ABCA12: variants seen among roughly 807,000 people sequenced by gnomAD.
The protein encoded by ABCA12 is glucosylceramide transporter ABCA12.
Under a neutral mutation model 293.5 loss-of-function variants are expected in ABCA12, and 156 were observed. The ratio of observed to expected loss-of-function variants is 0.53; its 90% CI spans 0.47 to 0.61. ABCA12 has a LOEUF of 0.61. ABCA12 is among the 20% of genes least tolerant of loss of function. ABCA12 has a pLI of 0.00. For missense variants in ABCA12, 2,797 were observed against 3,090.2 expected (o/e 0.91, Z 2.25); for synonymous variants, 1,063 against 1,108.0 (o/e 0.96, Z 0.81).
At chr2:215,088,038 G>A (rs1702075524) in intron 2 of ABCA12, among the ~76,000 whole-genome samples, 2 of 152,166 alleles carry the variant, frequency 1.3e-5, no homozygotes, top group South Asian at 4.1e-4. Context: ...GTGATGGAGA[G>A]GGGGCTGTGT....
intron 39 of ABCA12, chr2:214,961,980 G>A (rs1699126419): frequency 6.6e-6 from 1 of 152,194 alleles, no homozygotes; most frequent in East Asian, 1.9e-4. Flanking sequence ...AAATGTAGAT[G>A]TTGGCATTTC....
intron 3 of ABCA12, among the ~76,000 whole-genome samples, chr2:215,055,796 T>C (rs1465128089): frequency 6.6e-6 from 1 of 152,078 alleles, no homozygotes; most frequent in East Asian, 1.9e-4. Context: ...AGTTCTGCAT[T>C]CTTAATATAT....
In ABCA12 at chr2:214,932,301, C is replaced by A; in HGVS notation, c.*333G>T. The A allele has an allele frequency of 3.7e-6, 1 of 269,990 alleles. No homozygotes were observed. 16.7% of individuals were successfully genotyped at this position (269,990 alleles called of 1,614,324 possible). On this transcript the variant is annotated 3_prime_UTR_variant, in exon 53 of 53. Transcript: ENST00000272895. ...ACTCTTATATTTCAACTACCAAAATCCATGCCTTTTAAACTGTCTTTTTAT... is the reference window on the plus strand; with the variant it reads ...ACTCTTATATTTCAACTACCAAAATACATGCCTTTTAAACTGTCTTTTTAT...
chr2:215,057,664 G>T (rs928074028), intron 3 of ABCA12, among the ~76,000 whole-genome samples: 2 of 151,950 alleles, frequency 1.3e-5, no homozygotes, highest in Admixed American at 6.6e-5. Context: ...AGAGTGTAAG[G>T]TTCTTAAGAA....
chr2:214,942,901 T>C lies in ABCA12; in HGVS notation c.7436+24A>G, dbSNP rs1211025585. ...TAGATAGATGACCCAACACTATCTG[T>C]TAAGCAATGCATTTGTTCTTCACCT... On this transcript the variant is annotated intron_variant, in intron 50 of 52. Transcript: ENST00000272895. The C allele has an allele frequency of 1.9e-6, 3 of 1,595,106 alleles. No homozygotes were observed. In the South Asian group the frequency reaches 3.3e-5, roughly 18 times the overall value.
rs771769694 is a variant in ABCA12, at chr2:214,983,751, G to A, written c.4278C>T (p.His1426=). 19 of 1,613,940 alleles carry A rather than the reference G, an allele frequency of 1.2e-5. No homozygotes were observed. The highest frequency in any genetic ancestry group is 2.2e-5 in the South Asian group (2 of 91,072). ...TAGTGAGGTAACTGAACAAGACGTC[G>A]TGCTGCATACAGACTCCCATGTTCT... The part of the protein sequence containing the change: ...VRKNMGVCMQ[H]DVLFSYLTTK... Residue 1426 remains histidine, a synonymous_variant, in exon 29 of 53, where the codon CAC becomes CAT. Transcript: ENST00000272895.
intron 3 of ABCA12, among the ~76,000 whole-genome samples, chr2:215,058,454 T>G (rs915238829): frequency 6.6e-6 from 1 of 152,006 alleles, no homozygotes; most frequent in African/African-American, 2.4e-5. Flanking sequence ...TCAGGAGAGA[T>G]AAAAATCCTA....
chr2:214,974,700 C>T, intron 35 of ABCA12, 78 bp downstream of exon 35: 1 of 1,330,980 alleles, frequency 7.5e-7, no homozygotes, highest in Non-Finnish European at 1.1e-6. Context: ...AAATAACAGA[C>T]ACACACACCC....
At chr2:215,104,017 T>G (rs1339285049) in intron 2 of ABCA12, among the ~76,000 whole-genome samples, 2 of 152,194 alleles carry the variant, frequency 1.3e-5, no homozygotes, top group Non-Finnish European at 2.9e-5. Flanking sequence ...TTATAAATAT[T>G]CAACCATTCA....
intron 9 of ABCA12, 134 bp downstream of exon 9, chr2:215,031,687 T>C (rs1700881097): frequency 1.9e-6 from 2 of 1,059,808 alleles, no homozygotes; most frequent in Non-Finnish European, 2.9e-6. Context: ...ACTATGCCCT[T>C]TCCTCTGCTC....
Position 214,980,748 on chromosome 2 carries a change from C to G in ABCA12, c.4580-105G>C, listed in dbSNP as rs1699630037. ...ATCCTGTGACATCTGAGAAGAGTCA[C>G]ATTTCATGAGCTAACTGAAAAACTG... is the stretch of plus-strand genomic sequence containing the variant. On this transcript the variant is annotated intron_variant, in intron 30 of 52. Transcript: ENST00000272895. 3 of 1,433,578 alleles carry G rather than the reference C, an allele frequency of 2.1e-6. No individual in the cohort carries two copies. The African/African-American group carries it at 4.2e-5, about 20-fold the overall frequency. The allele number at this position is 1,433,578 out of a possible 1,614,324, so 88.8% of individuals were successfully genotyped here. A position where few individuals can be genotyped will look rare whatever the true frequency, so the allele number is the denominator to read the frequency against.
chr2:215,049,045 C>T (rs985916868), intron 6 of ABCA12, among the ~76,000 whole-genome samples: 3 of 152,104 alleles, frequency 2.0e-5, no homozygotes, highest in African/African-American at 7.2e-5. Flanking sequence ...AAAAAAATAA[C>T]TACTGAGTAC....
intron 44 of ABCA12, among the ~76,000 whole-genome samples, chr2:214,953,366 A>G (rs1698838376): frequency 6.6e-6 from 1 of 152,238 alleles, no homozygotes; most frequent in East Asian, 1.9e-4. Flanking sequence ...CCATATATGC[A>G]AACATTCCAG....
intron 7 of ABCA12, 120 bp from the exon 8 acceptor site, chr2:215,037,185 A>T: frequency 1.3e-6 from 1 of 771,834 alleles, no homozygotes; most frequent in Non-Finnish European, 2.2e-6. Context: ...AAAAGACAAG[A>T]TGCTACTTTT....
intron 41 of ABCA12, among the ~76,000 whole-genome samples, chr2:214,958,062 A>T (rs1296843876): frequency 6.6e-6 from 1 of 152,182 alleles, no homozygotes; most frequent in African/African-American, 2.4e-5. Context: ...AGTGCCCTAG[A>T]GAATCTGATA....
At chr2:215,094,113 G>A (rs149795940) in intron 2 of ABCA12, among the ~76,000 whole-genome samples, 164 of 152,234 alleles carry the variant, frequency 1.1e-3, no homozygotes, top group African/African-American at 3.7e-3. Context: ...GAAGGACTGC[G>A]TGTCAATATT....
chr2:215,090,899 C>G (rs112335760), intron 2 of ABCA12, among the ~76,000 whole-genome samples: 11,135 of 152,210 alleles, frequency 0.073, 845 homozygotes, highest in East Asian at 0.42. Flanking sequence ...TCTCACCTGA[C>G]CTAAAACCTA....
intron 50 of ABCA12, among the ~76,000 whole-genome samples, chr2:214,938,014 G>GT (rs1698274601): frequency 1.3e-5 from 2 of 152,012 alleles, no homozygotes; most frequent in South Asian, 4.2e-4. Context: ...GTGCAGGTTT[G>GT]TTTCATAGGT....
intron 20 of ABCA12, among the ~76,000 whole-genome samples, chr2:215,003,692 G>A (rs531179239): frequency 1.3e-5 from 2 of 150,740 alleles, no homozygotes; most frequent in South Asian, 2.1e-4. Flanking sequence ...TTTGAGACAG[G>A]GTTTTACTCC....
Sources: allele counts gnomAD v4.1 joint callset (sites outside exome capture counted in the v4.1 genomes callset), GRCh38; gene constraint gnomAD v4.1.1; transcripts MANE v1.5; gene names NCBI Gene and HGNC (gene_info 2026-07-23, HGNC 2026-07-21).